Variants in STIM1 observed in about 807,000 individuals in gnomAD.
The protein encoded by STIM1 is stromal interaction molecule 1.
Under a neutral mutation model 74.7 loss-of-function variants are expected in STIM1, and 25 were observed. That is an observed-to-expected ratio of 0.33 (90% CI 0.24 to 0.47). The LOEUF is 0.47. STIM1 is among the 20% of genes least tolerant of loss of function. The pLI, the probability that STIM1 is intolerant of heterozygous loss-of-function variation, is 1.00. For synonymous variants in STIM1, 328 were observed against 348.8 expected, an observed-to-expected ratio of 0.94 and a Z score of 0.66; for missense variants, 728 against 920.8, an observed-to-expected ratio of 0.79 and a Z score of 2.71.
At position 3,937,319 on chromosome 11, in the gene STIM1, A is replaced by ATAATAATAG. The variant is rs55981710; in HGVS notation, c.140-30233_140-30232insTAATAATAG. Among the ~76,000 whole-genome samples, 745 of 149,000 alleles carry ATAATAATAG rather than the reference A, an allele frequency of 5.0e-3. 11 individuals carry two copies. The highest frequency in any genetic ancestry group is 0.042 in the East Asian group (215 of 5,092). On this transcript the variant is annotated intron_variant, in intron 1 of 12. Coordinates refer to ENST00000526596, the MANE Select transcript of STIM1 (RefSeq NM_001382567.1). ...AATAATAATAATAATAATAATAATAAAATATCTGGAATGAGTGTGAAATTA... is the reference window on the plus strand; with the variant it reads ...AATAATAATAATAATAATAATAATAATAATAATAGAATATCTGGAATGAGTGTGAAATTA...
chr11:3,855,647 G>GCCGC (rs1178248277), upstream of STIM1: 1 of 136,720 alleles, frequency 7.3e-6, no homozygotes, highest in Non-Finnish European at 1.6e-5. Flanking sequence ...CCCGCCCCGC[G>GCCGC]CCGCCCGCCC....
In STIM1 at chr11:4,092,334, A is replaced by C; in HGVS notation, c.*536A>C. ...CTTTGAAGTTTGTTCTTTGGTATTG[A>C]TGTGGGTCAGAAGGAGCCTCATCCT... On this transcript the variant is annotated 3_prime_UTR_variant, in exon 13 of 13. Coordinates refer to ENST00000526596, the MANE Select transcript of STIM1 (RefSeq NM_001382567.1). 5.5e-6 allele frequency: 1 copy of C among 180,732 alleles called. No homozygotes were observed. Among genetic ancestry groups the C allele is most frequent in the Non-Finnish European group, 1.2e-5 (1 of 83,166 alleles). 11.2% of individuals were successfully genotyped at this position (180,732 alleles called of 1,614,324 possible). A position where few individuals can be genotyped will look rare whatever the true frequency, so the allele number is the denominator to read the frequency against.
chr11:4,026,642 A>C (rs1193313015), intron 3 of STIM1, among the ~76,000 whole-genome samples: 1 of 152,202 alleles, frequency 6.6e-6, no homozygotes, highest in Non-Finnish European at 1.5e-5. Flanking sequence ...AGGTTTGATA[A>C]TTAACTAGGA....
At chr11:3,967,303 C>A (rs1204273601) in intron 1 of STIM1, among the ~76,000 whole-genome samples, 1 of 152,146 alleles carries the variant, frequency 6.6e-6, no homozygotes, top group African/African-American at 2.4e-5. Context: ...CAGTATACTC[C>A]CAGTCCTATG....
intron 1 of STIM1, among the ~76,000 whole-genome samples, chr11:3,869,178 C>A (rs1221996885): frequency 1.3e-5 from 2 of 152,238 alleles, no homozygotes; most frequent in East Asian, 3.9e-4. Context: ...ACCGTGTTAG[C>A]CAGAATGGTC....
At chr11:4,025,673 A>T (rs747202622) in intron 3 of STIM1, among the ~76,000 whole-genome samples, 1 of 152,218 alleles carries the variant, frequency 6.6e-6, no homozygotes, top group Non-Finnish European at 1.5e-5. Context: ...GAAAGCTCGC[A>T]TAGAAGTATC....
At chr11:3,985,577 A>C (rs2093551138) in intron 2 of STIM1, among the ~76,000 whole-genome samples, 1 of 152,206 alleles carries the variant, frequency 6.6e-6, no homozygotes, top group Non-Finnish European at 1.5e-5. Flanking sequence ...CAGAGCCAGA[A>C]ATGTAATCAG....
intron 3 of STIM1, among the ~76,000 whole-genome samples, chr11:4,054,787 TGAGTGCC>T (rs2094275537): frequency 1.3e-5 from 2 of 152,242 alleles, no homozygotes; most frequent in Non-Finnish European, 2.9e-5. Flanking sequence ...CATTCTGTAT[TGAGTGCC>T]CTCCTCTCCC....
chr11:4,032,785 G>A (rs1036858606), intron 3 of STIM1, among the ~76,000 whole-genome samples: 1 of 151,936 alleles, frequency 6.6e-6, no homozygotes, highest in Non-Finnish European at 1.5e-5. Flanking sequence ...TGTTGTATAT[G>A]GTATTTTTTA....
chr11:4,019,290 C>T (rs1266717945), intron 2 of STIM1, among the ~76,000 whole-genome samples: 1 of 152,106 alleles, frequency 6.6e-6, no homozygotes, highest in Non-Finnish European at 1.5e-5. Flanking sequence ...TCTCCTATTC[C>T]TCTTCCCTGC....
At position 3,991,804 on chromosome 11, in the gene STIM1, G is replaced by T. The variant is rs1437259648; in HGVS notation, c.270+24122G>T. Among the ~76,000 whole-genome samples, 4 of 151,598 alleles carry T rather than the reference G, an allele frequency of 2.6e-5. No individual in the cohort carries two copies. The East Asian group carries it at 7.9e-4, about 30-fold the overall frequency. On this transcript the variant is annotated intron_variant, in intron 2 of 12. Transcript: ENST00000526596. ...CTCTACTAAAAATACAAAAAAATTAGCCGGTCATGGTGGCGCATGCCTGTA... is the reference window on the plus strand; with the variant it reads ...CTCTACTAAAAATACAAAAAAATTATCCGGTCATGGTGGCGCATGCCTGTA...
rs199728303 is a variant in STIM1 at position 4,055,552 on chromosome 11, G to A, written c.412G>A (p.Val138Ile). ...ATACAATTGGACCGTGGATGAGGTG[G>A]TACAGTGGCTGATCACATATGTGGA... ...EVYNWTVDEV[V>I]QWLITYVELP... Residue 138 changes from valine (V) to isoleucine (I), a missense_variant, in exon 4 of 13, where the codon GTA becomes ATA. Val to Ile is a conservative substitution (Grantham distance 29). Transcript: ENST00000526596. 8.1e-6 allele frequency: 13 copies of A among 1,601,190 alleles called. No individual in the cohort carries two copies. Among genetic ancestry groups the A allele is most frequent in the Non-Finnish European group, 1.1e-5 (13 of 1,174,736 alleles).
At chr11:4,059,536 A>G in intron 5 of STIM1, 140 bp downstream of exon 5, 1 of 680,616 alleles carries the variant, frequency 1.5e-6, no homozygotes, top group Non-Finnish European at 2.6e-6. Context: ...GTATTAAGGT[A>G]TGAAAGAGTC....
chr11:4,022,617 C>A (rs1181159605), intron 2 of STIM1, among the ~76,000 whole-genome samples: 1 of 152,080 alleles, frequency 6.6e-6, no homozygotes, highest in Non-Finnish European at 1.5e-5. Context: ...TCATATATGG[C>A]CTTTATTGTG....
chr11:4,020,585 CT>C (rs1172162612), intron 2 of STIM1, among the ~76,000 whole-genome samples: 6 of 148,926 alleles, frequency 4.0e-5, no homozygotes, highest in East Asian at 3.9e-4. Flanking sequence ...ATCTTTTGGA[CT>C]TTTTTTTTTC....
intron 7 of STIM1, among the ~76,000 whole-genome samples, chr11:4,080,204 C>A (rs1045716600): frequency 2.0e-5 from 3 of 151,996 alleles, no homozygotes; most frequent in African/African-American, 7.2e-5. Flanking sequence ...TGAGACTGCA[C>A]CACTGCACTC....
At chr11:3,873,114 T>C (rs2091175585) in intron 1 of STIM1, among the ~76,000 whole-genome samples, 1 of 152,052 alleles carries the variant, frequency 6.6e-6, no homozygotes, top group Non-Finnish European at 1.5e-5. Flanking sequence ...CTCCACTGAT[T>C]TTTAAAAATT....
chr11:3,898,943 G>A (rs966190660), intron 1 of STIM1, among the ~76,000 whole-genome samples: 1 of 151,940 alleles, frequency 6.6e-6, no homozygotes, highest in Non-Finnish European at 1.5e-5. Flanking sequence ...TTGAAGTCAG[G>A]TAGCGTGATG....
chr11:3,895,896 T>C, intron 1 of STIM1, among the ~76,000 whole-genome samples: 1 of 147,310 alleles, frequency 6.8e-6, no homozygotes, highest in Non-Finnish European at 1.5e-5. Flanking sequence ...TTTTCTTTCT[T>C]TCTTTCTTTC....
Sources: gnomAD v4.1 joint callset for allele counts (sites outside exome capture counted in the v4.1 genomes callset) on GRCh38, gnomAD v4.1.1 for gene constraint, MANE v1.5 for transcripts, NCBI Gene and HGNC (gene_info 2026-07-23, HGNC 2026-07-21) for gene names.